Variants in VPS13A observed in about 807,000 individuals in gnomAD.
VPS13A encodes vacuolar protein sorting 13 homolog A.
A neutral mutation model predicts 390.9 loss-of-function variants in VPS13A; 264 were observed. The observed-to-expected ratio is 0.68, with a 90% confidence interval of 0.61 to 0.75. The LOEUF (loss-of-function observed/expected upper bound fraction) is 0.75. VPS13A is among the 30% of genes least tolerant of loss of function. The pLI is 0.00. For missense variants in VPS13A, 3,409 were observed against 3,733.9 expected (o/e 0.91, Z 2.27); for synonymous variants, 1,231 against 1,227.1 (o/e 1.00, Z -0.07).
Position 77,403,222 on chromosome 9 carries a change from C to G in VPS13A, c.9190-14C>G. ...CTATCAATTTTCTCATTGTCTCTCA[C>G]TTTTTTCTTTTAGGTCATGGAAAAT... On this transcript the variant is annotated splice_polypyrimidine_tract_variant and intron_variant, in intron 68 of 71. Transcript: ENST00000360280. The G allele has an allele frequency of 6.3e-7, 1 of 1,597,066 alleles. No homozygotes were observed. Among genetic ancestry groups the G allele is most frequent in the Non-Finnish European group, 8.6e-7 (1 of 1,166,418 alleles).
At chr9:77,414,770 A>AC (rs756041252) in intron 71 of VPS13A, among the ~76,000 whole-genome samples, 1,274 of 90,004 alleles carry the variant, frequency 0.014, 10 homozygotes, top group South Asian at 0.023. Context: ...ATAATAATAA[A>AC]AACTTAGAGT....
intron 1 of VPS13A, among the ~76,000 whole-genome samples, chr9:77,193,998 C>T (rs1157810454): frequency 6.6e-6 from 1 of 152,036 alleles, no homozygotes; most frequent in Non-Finnish European, 1.5e-5. Flanking sequence ...GGTTAAGCAC[C>T]CATTGCACTG....
Position 77,281,931 on chromosome 9 carries a change from G to T in VPS13A, c.2964+5G>T. ...AATGTTTTACAATTGATTAAGGTATGAGTAGATAATTTATTTTTTAATTAT... is the reference window on the plus strand; with the variant it reads ...AATGTTTTACAATTGATTAAGGTATTAGTAGATAATTTATTTTTTAATTAT... On this transcript the variant is annotated splice_donor_5th_base_variant and intron_variant, in intron 28 of 71. Coordinates refer to ENST00000360280, the MANE Select transcript of VPS13A (RefSeq NM_033305.3). 6.5e-7 allele frequency: 1 copy of T among 1,535,622 alleles called. No individual in the cohort carries two copies. The highest frequency in any genetic ancestry group is 1.1e-5 in the South Asian group (1 of 87,120).
chr9:77,366,325 G>T (rs1015676908), intron 60 of VPS13A, among the ~76,000 whole-genome samples: 1 of 152,022 alleles, frequency 6.6e-6, no homozygotes, highest in Non-Finnish European at 1.5e-5. Flanking sequence ...TCCACTGAAG[G>T]TGTATTGCTT....
intron 23 of VPS13A, among the ~76,000 whole-genome samples, chr9:77,272,337 T>A (rs1043048272): frequency 2.0e-5 from 3 of 152,176 alleles, no homozygotes; most frequent in African/African-American, 7.2e-5. Flanking sequence ...AAGGTGAACA[T>A]ATATAATTTT....
At chr9:77,362,852 G>A (rs896980782) in intron 59 of VPS13A, among the ~76,000 whole-genome samples, 4 of 151,902 alleles carry the variant, frequency 2.6e-5, no homozygotes, top group African/African-American at 9.7e-5. Flanking sequence ...TTATTCCTAT[G>A]TATTATATTC....
intron 33 of VPS13A, among the ~76,000 whole-genome samples, chr9:77,297,102 T>A (rs1828044258): frequency 6.6e-6 from 1 of 152,138 alleles, no homozygotes; most frequent in African/African-American, 2.4e-5. Context: ...CTTTTTTTGT[T>A]TTCTCATTCA....
intron 67 of VPS13A, among the ~76,000 whole-genome samples, chr9:77,373,027 G>T (rs888365021): frequency 1.3e-5 from 2 of 152,108 alleles, no homozygotes; most frequent in Non-Finnish European, 2.9e-5. Context: ...TCATGGGTAG[G>T]AAGAATCAAT....
At chr9:77,289,630 T>C (rs1350282093) in intron 31 of VPS13A, among the ~76,000 whole-genome samples, 2 of 152,172 alleles carry the variant, frequency 1.3e-5, no homozygotes, top group East Asian at 1.9e-4. Flanking sequence ...AAACTCACAA[T>C]GTGTACCTAT....
chr9:77,272,624 G>A (rs982832077), intron 23 of VPS13A, among the ~76,000 whole-genome samples: 1 of 152,108 alleles, frequency 6.6e-6, no homozygotes, highest in Admixed American at 6.6e-5. Flanking sequence ...AGGGGTAAAC[G>A]ATGCATTATT....
chr9:77,287,202 T>A (rs187829161), intron 31 of VPS13A, among the ~76,000 whole-genome samples: 1 of 148,014 alleles, frequency 6.8e-6, no homozygotes, highest in Admixed American at 6.8e-5. Context: ...TATATAATAA[T>A]ATATTTTATA....
At chr9:77,280,311 A>G in intron 27 of VPS13A, 73 bp downstream of exon 27, 8 of 1,282,480 alleles carry the variant, frequency 6.2e-6, no homozygotes, top group Non-Finnish European at 9.0e-6. Flanking sequence ...TAAGTTTGGT[A>G]TTATTCAGTT....
chr9:77,305,957 G>T (rs1319936756), intron 34 of VPS13A, among the ~76,000 whole-genome samples: 1 of 152,158 alleles, frequency 6.6e-6, no homozygotes, highest in Non-Finnish European at 1.5e-5. Context: ...AAGGAAGAGT[G>T]CCAATTAATA....
At chr9:77,241,484 C>G (rs1824496318) in intron 19 of VPS13A, among the ~76,000 whole-genome samples, 1 of 138,918 alleles carries the variant, frequency 7.2e-6, no homozygotes, top group Admixed American at 7.6e-5. Context: ...TATATTCTGT[C>G]TCACCAGTTA....
chr9:77,311,592 A>G (rs1182936502), intron 35 of VPS13A, among the ~76,000 whole-genome samples: 1 of 152,040 alleles, frequency 6.6e-6, no homozygotes, highest in African/African-American at 2.4e-5. Context: ...AGCAAAATTG[A>G]CAGAACTAAA....
intron 36 of VPS13A, 68 bp from the exon 37 acceptor site, chr9:77,314,427 T>A: frequency 6.8e-7 from 1 of 1,478,404 alleles, no homozygotes; most frequent in Non-Finnish European, 9.4e-7. Context: ...TTTGTAGTAG[T>A]TCATATCATG....
At chr9:77,280,485 T>TC (rs398011098) in intron 27 of VPS13A, among the ~76,000 whole-genome samples, 2 of 152,122 alleles carry the variant, frequency 1.3e-5, no homozygotes, top group Admixed American at 1.3e-4. Context: ...ATTTTTTTTT[T>TC]CTCCCAACAG....
chr9:77,321,539 C>G lies in VPS13A; in HGVS notation c.5623C>G (p.Leu1875Val), dbSNP rs745626995. The G allele has an allele frequency of 2.5e-6, 4 of 1,613,368 alleles. No individual in the cohort carries two copies. Among genetic ancestry groups the G allele is most frequent in the Non-Finnish European group, 3.4e-6 (4 of 1,179,626 alleles). Residue 1875 changes from leucine to valine, a missense_variant, in exon 44 of 72, where the codon CTA becomes GTA. Transcript: ENST00000360280. ...ATCTTCAGCTGACTTCGTAAAGGAT[C>G]TAGCACCATTTATGATTTTAAATTC... is the stretch of plus-strand genomic sequence containing the variant. ...TGSSADFVKD[L>V]APFMILNSLG...
chr9:77,289,606 T>G (rs893053318), intron 31 of VPS13A, among the ~76,000 whole-genome samples: 20 of 152,136 alleles, frequency 1.3e-4, no homozygotes, highest in Non-Finnish European at 8.8e-5. Flanking sequence ...TTGCTTTACT[T>G]TGGTGCATGT....
Sources: allele counts gnomAD v4.1 joint callset (sites outside exome capture counted in the v4.1 genomes callset), GRCh38; gene constraint gnomAD v4.1.1; transcripts MANE v1.5; gene names NCBI Gene and HGNC (gene_info 2026-07-23, HGNC 2026-07-21).